Variants in WWOX observed in about 807,000 individuals in gnomAD.
WWOX encodes WW domain-containing oxidoreductase.
WWOX carries 69 observed loss-of-function variants against 46.2 expected under a neutral mutation model. The observed-to-expected ratio is 1.49, with a 90% confidence interval of 1.23 to 1.82. WWOX has a LOEUF of 1.82. WWOX is among the 40% of genes most tolerant of loss of function. The pLI is 0.00. For missense variants in WWOX, 919 were observed against 542.6 expected (o/e 1.69, Z -6.89); for synonymous variants, 359 against 202.6 (o/e 1.77, Z -6.56).
rs78946004 is a variant in WWOX at position 78,348,626 on chromosome 16, T to C, written c.517-38234T>C. Among the ~76,000 whole-genome samples, 40 of 119,118 alleles carry C rather than the reference T, an allele frequency of 3.4e-4. 1 individual carries two copies. In the East Asian group the frequency reaches 7.6e-3, roughly 23 times the overall value. 78.1% of individuals were successfully genotyped at this position (119,118 alleles called of 152,430 possible). A position where few individuals can be genotyped will look rare whatever the true frequency, so the allele number is the denominator to read the frequency against. On this transcript the variant is annotated intron_variant, in intron 5 of 8. Coordinates refer to ENST00000566780, the MANE Select transcript of WWOX (RefSeq NM_016373.4). ...GCACATGCCACTACACCCAGTTAAT[T>C]ACTACATTTTCTGTAGAGACGGGCT...
intron 8 of WWOX, among the ~76,000 whole-genome samples, chr16:79,200,231 A>C (rs1409045515): frequency 6.6e-6 from 1 of 152,090 alleles, no homozygotes; most frequent in Non-Finnish European, 1.5e-5. Flanking sequence ...TGGAGCTCAG[A>C]AAGGAGGAGA....
chr16:79,108,347 G>T (rs536244770), intron 8 of WWOX, among the ~76,000 whole-genome samples: 1 of 152,236 alleles, frequency 6.6e-6, no homozygotes, highest in Non-Finnish European at 1.5e-5. Context: ...TAGCTGAGCT[G>T]CGTATTAAGT....
chr16:78,378,982 G>A (rs1480155644), intron 5 of WWOX, among the ~76,000 whole-genome samples: 1 of 152,148 alleles, frequency 6.6e-6, no homozygotes, highest in African/African-American at 2.4e-5. Context: ...GTCATGTGAC[G>A]ACATGAGCAT....
chr16:78,478,579 C>T (rs956917224), intron 8 of WWOX, among the ~76,000 whole-genome samples: 2 of 95,392 alleles, frequency 2.1e-5, no homozygotes, highest in Admixed American at 1.2e-4. Flanking sequence ...GCTGTTGCAC[C>T]CCCCACCCCA....
At chr16:78,286,734 GCTTCTT>G (rs2079773857) in intron 5 of WWOX, among the ~76,000 whole-genome samples, 1 of 151,998 alleles carries the variant, frequency 6.6e-6, no homozygotes, top group Admixed American at 6.6e-5. Context: ...TCCACAAACA[GCTTCTT>G]CTTCATTATG....
At chr16:78,395,131 G>C (rs914690032) in intron 6 of WWOX, among the ~76,000 whole-genome samples, 3 of 152,154 alleles carry the variant, frequency 2.0e-5, no homozygotes, top group South Asian at 2.1e-4. Flanking sequence ...AGAATATATA[G>C]AGTTTAAGAC....
chr16:78,767,941 C>T (rs2049964155), intron 8 of WWOX, among the ~76,000 whole-genome samples: 1 of 152,028 alleles, frequency 6.6e-6, no homozygotes, highest in African/African-American at 2.4e-5. Flanking sequence ...CCTTCCAGCA[C>T]CACGAGTTTG....
chr16:78,969,072 A>G (rs892373897), intron 8 of WWOX, among the ~76,000 whole-genome samples: 1 of 152,070 alleles, frequency 6.6e-6, no homozygotes, highest in African/African-American at 2.4e-5. Context: ...TATTTCCTCC[A>G]TTAGAGACCT....
At chr16:78,100,144 G>A (rs932510576) in intron 1 of WWOX, 1 of 1,324,932 alleles carries the variant, frequency 7.5e-7, no homozygotes, top group Non-Finnish European at 9.7e-7. Flanking sequence ...GCGCGGCGCG[G>A]CGAGGGCAAA....
intron 6 of WWOX, among the ~76,000 whole-genome samples, chr16:78,411,641 G>A (rs1193522131): frequency 6.6e-6 from 1 of 152,166 alleles, no homozygotes; most frequent in African/African-American, 2.4e-5. Flanking sequence ...TTGAGAATGG[G>A]TAGGTAAGAT....
chr16:78,165,021 G>A (rs77754442), intron 5 of WWOX, among the ~76,000 whole-genome samples: 2 of 152,112 alleles, frequency 1.3e-5, no homozygotes, highest in Non-Finnish European at 2.9e-5. Flanking sequence ...AAGAGCATAT[G>A]CTAAGGCTCA....
At chr16:79,072,187 G>T (rs1393675277) in intron 8 of WWOX, among the ~76,000 whole-genome samples, 1 of 152,144 alleles carries the variant, frequency 6.6e-6, no homozygotes, top group African/African-American at 2.4e-5. Context: ...TCAGGAAGCT[G>T]AGATGGGAGG....
At chr16:78,798,655 A>G (rs1567567937) in intron 8 of WWOX, among the ~76,000 whole-genome samples, 1 of 150,958 alleles carries the variant, frequency 6.6e-6, no homozygotes, top group African/African-American at 2.5e-5. Flanking sequence ...CGAAACATAT[A>G]TATTTTTAAT....
At chr16:78,558,004 C>A (rs1049363987) in intron 8 of WWOX, among the ~76,000 whole-genome samples, 1 of 152,126 alleles carries the variant, frequency 6.6e-6, no homozygotes, top group African/African-American at 2.4e-5. Flanking sequence ...GCTGCTTTTT[C>A]AGAGCCTGGA....
intron 8 of WWOX, among the ~76,000 whole-genome samples, chr16:78,696,686 G>GT (rs372315261): frequency 4.3e-5 from 6 of 138,874 alleles, no homozygotes; most frequent in African/African-American, 1.8e-4. Flanking sequence ...CACCTGTTTT[G>GT]GGGGGGGTAC....
At chr16:79,164,410 G>T (rs1248382423) in intron 8 of WWOX, among the ~76,000 whole-genome samples, 1 of 152,172 alleles carries the variant, frequency 6.6e-6, no homozygotes, top group Non-Finnish European at 1.5e-5. Flanking sequence ...CCGACAGGCT[G>T]CCCTTGTGCC....
At chr16:78,493,960 C>T (rs1243045033) in intron 8 of WWOX, among the ~76,000 whole-genome samples, 3 of 152,166 alleles carry the variant, frequency 2.0e-5, no homozygotes, top group Admixed American at 2.0e-4. Context: ...TTAGTCGATT[C>T]TCACACTGCT....
At chr16:78,403,476 G>A (rs777224976) in intron 6 of WWOX, among the ~76,000 whole-genome samples, 8 of 152,036 alleles carry the variant, frequency 5.3e-5, no homozygotes, top group Non-Finnish European at 1.2e-4. Context: ...ATTGCTTTAT[G>A]CCTACGAAAT....
At chr16:78,168,548 C>T (rs532008065) in intron 5 of WWOX, 3 of 151,944 alleles carry the variant, frequency 2.0e-5, no homozygotes, top group African/African-American at 7.3e-5. Flanking sequence ...CTTGCTTGGT[C>T]CATCTGGCTT....
Sources: allele counts gnomAD v4.1 joint callset (sites outside exome capture counted in the v4.1 genomes callset), GRCh38; gene constraint gnomAD v4.1.1; transcripts MANE v1.5; gene names NCBI Gene and HGNC (gene_info 2026-07-23, HGNC 2026-07-21).